The following C16orf96 variants were observed in gnomAD, a reference collection of about 807,000 sequenced individuals.
The protein encoded by C16orf96 is uncharacterized protein C16orf96.
In C16orf96, 108 loss-of-function variants were observed where a neutral mutation model predicts 103.6. The observed-to-expected ratio is 1.04, with a 90% CI of 0.89 to 1.22. The LOEUF (loss-of-function observed/expected upper bound fraction) is 1.22. Among genes scored for constraint, C16orf96 ranks in the 50% most tolerant of loss-of-function variants. The probability of loss-of-function intolerance (pLI) is 0.00; values close to 1 mark genes in which losing one functional copy is unlikely to be tolerated. For synonymous variants in C16orf96, 566 were observed against 593.5 expected (o/e 0.95, Z 0.67); for missense variants, 1,586 against 1,464.2 (o/e 1.08, Z -1.36).
rs1193155473 is a variant in C16orf96 at position 4,575,851 on chromosome 16, G to C, written c.1371G>C (p.Lys457Asn). ...EALQLAAVQV[K>N]GEENDVPSLR... is the part of the protein sequence containing the mutation. The stretch of plus-strand genomic sequence containing the variant: ...TCCAGCTCGCAGCTGTCCAAGTAAA[G>C]GGGGAGGAAAATGATGTCCCCAGCC... The change falls in exon 5 of 16, where the codon AAG becomes AAC. Residue 457 changes from lysine to asparagine, a missense_variant. Lys to Asn is a moderately conservative substitution (Grantham distance 94). Coordinates refer to ENST00000444310, the MANE Select transcript of C16orf96 (RefSeq NM_001145011.2). 1.9e-6 allele frequency: 3 copies of C among 1,551,300 alleles called. No homozygotes were observed. Among genetic ancestry groups the C allele is most frequent in the South Asian group, 1.2e-5 (1 of 84,068 alleles).
At chr16:4,580,917 G>C (rs1305796237) in intron 7 of C16orf96, among the ~76,000 whole-genome samples, 1 of 151,806 alleles carries the variant, frequency 6.6e-6, no homozygotes, top group East Asian at 1.9e-4. Flanking sequence ...CTGAGATCGG[G>C]AGTTCGAGAC....
At chr16:4,562,741 CAA>C (rs2059345505) in intron 1 of C16orf96, 1 of 677,032 alleles carries the variant, frequency 1.5e-6, no homozygotes. Context: ...ATTTAGAAAA[CAA>C]AAGCCAATGT....
the C16orf96 span, among the ~76,000 whole-genome samples, chr16:4,545,779 A>G: frequency 6.6e-6 from 1 of 151,940 alleles, no homozygotes; most frequent in Non-Finnish European, 1.5e-5. Context: ...CTTTTCCCCT[A>G]TTGCAATAGT....
chr16:4,560,898 A>G (rs1327010154), intron 1 of C16orf96: 1 of 152,222 alleles, frequency 6.6e-6, no homozygotes, highest in Non-Finnish European at 1.5e-5. Context: ...TCACCCCTAT[A>G]ATCCCAACAC....
intron 5 of C16orf96, 41 bp from the exon 6 acceptor site, chr16:4,578,899 C>G: frequency 6.8e-7 from 1 of 1,481,068 alleles, no homozygotes; most frequent in Non-Finnish European, 9.2e-7. Context: ...ACATCTTCCT[C>G]CATCCGAGCC....
At chr16:4,547,689 C>CTTCCTTCCTTCT in the C16orf96 span, among the ~76,000 whole-genome samples, 77 of 22,580 alleles carry the variant, frequency 3.4e-3, no homozygotes, top group Middle Eastern at 0.023. Flanking sequence ...TCCTTCCTTC[C>CTTCCTTCCTTCT]TTCTTTCTTT....
At chr16:4,577,874 T>C (rs1197494395) in intron 5 of C16orf96, among the ~76,000 whole-genome samples, 1 of 152,106 alleles carries the variant, frequency 6.6e-6, no homozygotes, top group East Asian at 1.9e-4. Flanking sequence ...GAGAAACACT[T>C]TGAACCCGGG....
chr16:4,592,451 G>C, intron 11 of C16orf96, 84 bp downstream of exon 11: 2 of 1,452,282 alleles, frequency 1.4e-6, no homozygotes, highest in Non-Finnish European at 1.9e-6. Context: ...CATGTGCACC[G>C]TTCCATGCAC....
At chr16:4,544,079 AG>A in the C16orf96 span, among the ~76,000 whole-genome samples, 3 of 152,160 alleles carry the variant, frequency 2.0e-5, no homozygotes, top group Admixed American at 6.6e-5. Flanking sequence ...GGGGTCATAG[AG>A]GGGGTAGGGC....
intron 9 of C16orf96, among the ~76,000 whole-genome samples, chr16:4,591,300 G>A (rs746359990): frequency 1.2e-4 from 18 of 152,192 alleles, no homozygotes; most frequent in Non-Finnish European, 2.5e-4. Context: ...CATACAGACC[G>A]TCAATAAACA....
At position 4,591,752 on chromosome 16, in the gene C16orf96, A is replaced by G. The variant is rs1465131463; in HGVS notation, c.2679A>G (p.Arg893=). The stretch of plus-strand genomic sequence containing the variant: ...GGAAGCTGCTGATTGAGGGCTTAAG[A>G]CTGGATCCTGACAGTGCTGCTGGCT... ...IVRKLLIEGL[R]LDPDSAAGFR... The change falls in exon 10 of 16, where the codon AGA becomes AGG. Residue 893 remains arginine, a synonymous_variant. Transcript: ENST00000444310. 1 of 1,551,572 alleles carries G rather than the reference A, an allele frequency of 6.4e-7. No homozygotes were observed. Among genetic ancestry groups the G allele is most frequent in the East Asian group, 2.4e-5 (1 of 40,918 alleles).
intron 7 of C16orf96, among the ~76,000 whole-genome samples, chr16:4,584,523 GT>G (rs1475620407): frequency 2.0e-5 from 3 of 149,370 alleles, no homozygotes; most frequent in African/African-American, 7.4e-5. Context: ...AATTTTTGTG[GT>G]TTTTTTGGTT....
At chr16:4,583,282 C>T (rs1596531597) in intron 7 of C16orf96, among the ~76,000 whole-genome samples, 1 of 152,076 alleles carries the variant, frequency 6.6e-6, no homozygotes, top group East Asian at 1.9e-4. Flanking sequence ...AGGAGGATCC[C>T]TTGAGGCCAG....
At chr16:4,572,748 A>G (rs1241453830) in intron 2 of C16orf96, among the ~76,000 whole-genome samples, 1 of 152,168 alleles carries the variant, frequency 6.6e-6, no homozygotes, top group African/African-American at 2.4e-5. Flanking sequence ...GTCCACATGG[A>G]AAGTGGAATA....
rs1896943112 is a variant in C16orf96, at chr16:4,587,040, C to A, written c.2354C>A (p.Thr785Asn). 11 of 1,551,260 alleles carry A rather than the reference C, an allele frequency of 7.1e-6. No individual in the cohort carries two copies. The East Asian group carries it at 2.7e-4, about 38-fold the overall frequency. ...ACATGCCTGTGCTTCTGTTCTTAGACTCTCCAGGCTCAAATCAAAAGACTG... is the reference window on the plus strand; with the variant it reads ...ACATGCCTGTGCTTCTGTTCTTAGAATCTCCAGGCTCAAATCAAAAGACTG... ...NLQIRMDEFK[T>N]LQAQIKRLEM... The change falls in exon 8 of 16, where the codon ACT (threonine) becomes AAT (asparagine). Residue 785 changes from threonine (T) to asparagine (N), a missense_variant and splice_region_variant. Transcript: ENST00000444310.
intron 2 of C16orf96, among the ~76,000 whole-genome samples, chr16:4,574,239 T>C (rs1051015051): frequency 2.6e-5 from 4 of 151,770 alleles, no homozygotes; most frequent in Admixed American, 2.0e-4. Flanking sequence ...TTACTTATTT[T>C]TGAGACAAAG....
intron 1 of C16orf96, among the ~76,000 whole-genome samples, chr16:4,559,498 C>A (rs868455948): frequency 6.6e-6 from 1 of 151,356 alleles, no homozygotes; most frequent in Non-Finnish European, 1.5e-5. Context: ...TTCTAGTGGG[C>A]GGAGATTGCG....
chr16:4,554,357 CTT>C (rs879445516), upstream of C16orf96, among the ~76,000 whole-genome samples: 1 of 145,766 alleles, frequency 6.9e-6, no homozygotes, highest in African/African-American at 2.5e-5. Flanking sequence ...TTTTCTTTTT[CTT>C]TTTTTTTTTG....
At chr16:4,543,213 G>A in the C16orf96 span, among the ~76,000 whole-genome samples, 1 of 152,168 alleles carries the variant, frequency 6.6e-6, no homozygotes, top group Non-Finnish European at 1.5e-5. Context: ...GGATTCCCCA[G>A]GTGAAAGAAG....
Sources: gnomAD v4.1 joint callset for allele counts (sites outside exome capture counted in the v4.1 genomes callset) on GRCh38, gnomAD v4.1.1 for gene constraint, MANE v1.5 for transcripts, NCBI Gene and HGNC (gene_info 2026-07-23, HGNC 2026-07-21) for gene names.